ENTHD1: variants seen among roughly 807,000 people sequenced by gnomAD.
ENTHD1 encodes ENTH domain containing 1.
Under a neutral mutation model 39.1 loss-of-function variants are expected in ENTHD1, and 23 were observed. The ratio of observed to expected loss-of-function variants is 0.59; its 90% CI spans 0.42 to 0.83. ENTHD1 has a LOEUF of 0.83. Among genes scored for constraint, ENTHD1 ranks in the 40% least tolerant of loss-of-function variants. ENTHD1 has a pLI of 0.00. For missense variants in ENTHD1, 624 were observed against 705.4 expected (o/e 0.88, Z 1.31); for synonymous variants, 230 against 258.2 (o/e 0.89, Z 1.05).
intron 6 of ENTHD1, among the ~76,000 whole-genome samples, chr22:39,748,438 T>G (rs958218877): frequency 6.6e-6 from 1 of 152,076 alleles, no homozygotes; most frequent in African/African-American, 2.4e-5. Flanking sequence ...TTTTTTTTTT[T>G]TGAGACGGAG....
intron 3 of ENTHD1, among the ~76,000 whole-genome samples, chr22:39,836,825 C>A (rs1053701009): frequency 6.6e-6 from 1 of 152,150 alleles, no homozygotes; most frequent in African/African-American, 2.4e-5. Context: ...GCTTCGCTCT[C>A]TTCCTCCTTC....
At chr22:39,847,312 T>C (rs1248479200) in intron 3 of ENTHD1, among the ~76,000 whole-genome samples, 5 of 135,582 alleles carry the variant, frequency 3.7e-5, no homozygotes, top group Non-Finnish European at 6.1e-5. Context: ...TAGATGGGAA[T>C]TGAACAATGA....
At chr22:39,852,170 CAA>C (rs759951926) in intron 3 of ENTHD1, among the ~76,000 whole-genome samples, 1 of 135,636 alleles carries the variant, frequency 7.4e-6, no homozygotes, top group Non-Finnish European at 1.6e-5. Flanking sequence ...TTGTTTCTAC[CAA>C]AAAAAAAAAA....
At chr22:39,792,541 A>G (rs954968859) in intron 5 of ENTHD1, among the ~76,000 whole-genome samples, 3 of 152,060 alleles carry the variant, frequency 2.0e-5, no homozygotes, top group Non-Finnish European at 4.4e-5. Flanking sequence ...ATCTGTGCTG[A>G]TGGTATATCT....
At chr22:39,765,179 T>C (rs777356654) in intron 6 of ENTHD1, 44 bp downstream of exon 6, 2 of 827,792 alleles carry the variant, frequency 2.4e-6, no homozygotes, top group East Asian at 4.3e-5. Flanking sequence ...TTTTTTGTTG[T>C]GTGTGTGTGT....
chr22:39,818,209 T>C (rs2065749039), intron 5 of ENTHD1, among the ~76,000 whole-genome samples: 1 of 152,134 alleles, frequency 6.6e-6, no homozygotes, highest in Non-Finnish European at 1.5e-5. Flanking sequence ...AAGAGGCTCA[T>C]ATGGAGAGGA....
At chr22:39,816,159 A>G (rs958459590) in intron 5 of ENTHD1, among the ~76,000 whole-genome samples, 14 of 152,192 alleles carry the variant, frequency 9.2e-5, no homozygotes, top group Admixed American at 2.0e-4. Context: ...CTGTACCACA[A>G]TAACTCTCCT....
intron 2 of ENTHD1, chr22:39,876,078 A>G (rs2066287078): frequency 1.2e-6 from 2 of 1,613,362 alleles, no homozygotes; most frequent in African/African-American, 1.3e-5. Context: ...GTCCCCACGT[A>G]TGAGTTCACC....
intron 5 of ENTHD1, among the ~76,000 whole-genome samples, chr22:39,810,101 G>C (rs1209224724): frequency 6.6e-6 from 1 of 152,150 alleles, no homozygotes; most frequent in Admixed American, 6.5e-5. Context: ...AACTTCTTGA[G>C]GGGAAGGTCT....
intron 5 of ENTHD1, among the ~76,000 whole-genome samples, chr22:39,771,113 A>G (rs2065318820): frequency 6.6e-6 from 1 of 152,040 alleles, no homozygotes; most frequent in Non-Finnish European, 1.5e-5. Flanking sequence ...AGTTTTTAAT[A>G]CTTAATGTTT....
chr22:39,829,818 A>AAATG (rs1987329246), intron 4 of ENTHD1, among the ~76,000 whole-genome samples: 1 of 151,606 alleles, frequency 6.6e-6, no homozygotes, highest in Non-Finnish European at 1.5e-5. Flanking sequence ...ATAAATAAAT[A>AAATG]AATAAATAAA....
chr22:39,760,662 A>G (rs1262997273), intron 6 of ENTHD1, among the ~76,000 whole-genome samples: 2 of 151,956 alleles, frequency 1.3e-5, no homozygotes, highest in African/African-American at 4.8e-5. Flanking sequence ...CTATTTTGCT[A>G]TCTGCCTTCT....
intron 4 of ENTHD1, among the ~76,000 whole-genome samples, chr22:39,830,320 C>T (rs1295463310): frequency 1.3e-5 from 2 of 152,148 alleles, no homozygotes; most frequent in Admixed American, 6.5e-5. Context: ...AGTGATCCGT[C>T]CACCTCGGCC....
intron 3 of ENTHD1, among the ~76,000 whole-genome samples, chr22:39,839,729 C>T (rs1049487927): frequency 1.3e-5 from 2 of 152,178 alleles, no homozygotes; most frequent in African/African-American, 4.8e-5. Context: ...ACTTGCTCGG[C>T]ATTCAGCAAC....
At chr22:39,805,552 T>G (rs986984418) in intron 5 of ENTHD1, among the ~76,000 whole-genome samples, 1 of 152,148 alleles carries the variant, frequency 6.6e-6, no homozygotes, top group African/African-American at 2.4e-5. Flanking sequence ...GCTGCACAAT[T>G]AAAAACAATG....
At chr22:39,891,771 A>G (rs1166801907) in intron 1 of ENTHD1, among the ~76,000 whole-genome samples, 1 of 151,972 alleles carries the variant, frequency 6.6e-6, no homozygotes, top group Non-Finnish European at 1.5e-5. Context: ...GCCATGAGCC[A>G]CCAAGCCCAG....
At chr22:39,794,361 G>T (rs1223752391) in intron 5 of ENTHD1, among the ~76,000 whole-genome samples, 1 of 152,156 alleles carries the variant, frequency 6.6e-6, no homozygotes, top group Non-Finnish European at 1.5e-5. Context: ...TTTTGGTAGA[G>T]TCTTTAGGTT....
Position 39,861,828 on chromosome 22 carries a change from G to T in ENTHD1, c.529C>A (p.Pro177Thr). 6.3e-7 allele frequency: 1 copy of T among 1,597,430 alleles called. No homozygotes were observed. ...SLTACTSAPT[P>T]DISASEKKYK... is the part of the protein sequence containing the mutation. ...TTCTTCTCTGAAGCAGAAATATCCG[G>T]TGTGGGGGCAGAAGTGCACGCTGTC... Residue 177 changes from proline (P) to threonine (T), a missense_variant, in exon 3 of 7, where the codon CCG becomes ACG. Physicochemically the swap from Pro to Thr is conservative, Grantham distance 38. Transcript: ENST00000325157.
chr22:39,872,725 A>G (rs1384026600), intron 2 of ENTHD1, among the ~76,000 whole-genome samples: 1 of 152,214 alleles, frequency 6.6e-6, no homozygotes, highest in African/African-American at 2.4e-5. Context: ...GTATTATACT[A>G]ATACAGAAAT....
Sources: allele counts gnomAD v4.1 joint callset (sites outside exome capture counted in the v4.1 genomes callset), GRCh38; gene constraint gnomAD v4.1.1; transcripts MANE v1.5; gene names NCBI Gene and HGNC (gene_info 2026-07-23, HGNC 2026-07-21).